MARCHF1: variants seen among roughly 807,000 people sequenced by gnomAD.
MARCHF1 encodes the protein membrane associated ring-CH-type finger 1, also known as E3 ubiquitin-protein ligase MARCHF1.
In MARCHF1, 40 loss-of-function variants were observed where a neutral mutation model predicts 54.2. The ratio of observed to expected loss-of-function variants is 0.74; its 90% CI spans 0.57 to 0.96. The LOEUF (loss-of-function observed/expected upper bound fraction) is 0.96. MARCHF1 is among the 40% of genes least tolerant of loss of function. MARCHF1 has a pLI of 0.00. For synonymous variants in MARCHF1, 236 were observed against 236.3 expected, an observed-to-expected ratio of 1.00 and a Z score of 0.01; for missense variants, 586 against 656.5, an observed-to-expected ratio of 0.89 and a Z score of 1.17.
intron 3 of MARCHF1, among the ~76,000 whole-genome samples, chr4:163,959,602 G>A (rs969073918): frequency 6.6e-6 from 1 of 151,950 alleles, no homozygotes; most frequent in African/African-American, 2.4e-5. Flanking sequence ...TAGGATAACT[G>A]AGTAGCCATG....
chr4:163,983,532 C>A (rs896652440), intron 3 of MARCHF1, among the ~76,000 whole-genome samples: 5 of 152,038 alleles, frequency 3.3e-5, no homozygotes, highest in Non-Finnish European at 7.4e-5. Flanking sequence ...AAACAAAACT[C>A]CCCCCACTTA....
At chr4:164,267,216 T>C (rs1442811375) in intron 1 of MARCHF1, among the ~76,000 whole-genome samples, 1 of 152,224 alleles carries the variant, frequency 6.6e-6, no homozygotes, top group Non-Finnish European at 1.5e-5. Flanking sequence ...ATATTGTGGC[T>C]GCTACCAGAA....
At chr4:163,764,363 C>G (rs551994136) in intron 4 of MARCHF1, among the ~76,000 whole-genome samples, 1 of 152,148 alleles carries the variant, frequency 6.6e-6, no homozygotes, top group South Asian at 2.1e-4. Flanking sequence ...TATCCAGAAG[C>G]TTGTTGAAGT....
intron 2 of MARCHF1, among the ~76,000 whole-genome samples, chr4:164,051,853 A>G (rs1397106325): frequency 1.3e-5 from 2 of 152,234 alleles, no homozygotes; most frequent in African/African-American, 4.8e-5. Context: ...CCTTTAAAAT[A>G]ATGGAGAATT....
intron 8 of MARCHF1, among the ~76,000 whole-genome samples, chr4:163,569,281 T>C (rs1253488787): frequency 2.0e-5 from 3 of 152,142 alleles, no homozygotes; most frequent in Admixed American, 1.3e-4. Flanking sequence ...TGGGTCACGA[T>C]AGCCACGCTG....
chr4:164,274,710 T>C (rs1733832083), intron 1 of MARCHF1, among the ~76,000 whole-genome samples: 1 of 129,312 alleles, frequency 7.7e-6, no homozygotes, highest in South Asian at 2.8e-4. Flanking sequence ...GGAGTCTCGC[T>C]CTGTCTCCCA....
intron 3 of MARCHF1, among the ~76,000 whole-genome samples, chr4:163,969,104 A>G (rs575618694): frequency 6.6e-6 from 1 of 152,308 alleles, no homozygotes; most frequent in East Asian, 1.9e-4. Context: ...TAGAATGACC[A>G]ACTGCTTCTC....
intron 4 of MARCHF1, among the ~76,000 whole-genome samples, chr4:163,775,915 A>G (rs886157978): frequency 1.3e-5 from 2 of 152,156 alleles, no homozygotes; most frequent in Non-Finnish European, 2.9e-5. Context: ...TGATCAAGCT[A>G]GAAGATGCAG....
intron 7 of MARCHF1, among the ~76,000 whole-genome samples, chr4:163,601,074 G>A (rs1309417207): frequency 6.6e-6 from 1 of 152,062 alleles, no homozygotes; most frequent in Non-Finnish European, 1.5e-5. Context: ...TTTAATTTCC[G>A]AACCAAATTA....
At chr4:163,852,016 T>C (rs981107024) in intron 4 of MARCHF1, among the ~76,000 whole-genome samples, 1 of 152,206 alleles carries the variant, frequency 6.6e-6, no homozygotes, top group Non-Finnish European at 1.5e-5. Context: ...ATAGAGGTTA[T>C]CCCTGTAATA....
At chr4:164,233,659 C>T (rs887299760) in intron 1 of MARCHF1, among the ~76,000 whole-genome samples, 2 of 152,124 alleles carry the variant, frequency 1.3e-5, no homozygotes, top group Non-Finnish European at 2.9e-5. Context: ...TTCTAATCCT[C>T]CAAGTGTAGG....
At chr4:163,586,039 T>C in intron 7 of MARCHF1, 110 bp from the exon 8 acceptor site, 1 of 878,106 alleles carries the variant, frequency 1.1e-6, no homozygotes, top group Non-Finnish European at 1.7e-6. Context: ...ACCTAAGATT[T>C]AGAACACATG....
chr4:164,291,878 C>T (rs1413381014), intron 1 of MARCHF1, among the ~76,000 whole-genome samples: 1 of 151,996 alleles, frequency 6.6e-6, no homozygotes, highest in East Asian at 1.9e-4. Flanking sequence ...CTCAGAGGTG[C>T]TTTTGAAGTG....
chr4:164,053,026 T>C (rs1424187714), intron 2 of MARCHF1, among the ~76,000 whole-genome samples: 1 of 152,152 alleles, frequency 6.6e-6, no homozygotes, highest in Non-Finnish European at 1.5e-5. Context: ...CAAAAGAATA[T>C]ATAATTAAGT....
At chr4:164,265,607 C>T (rs1733591265) in intron 1 of MARCHF1, among the ~76,000 whole-genome samples, 3 of 151,824 alleles carry the variant, frequency 2.0e-5, no homozygotes, top group Admixed American at 6.6e-5. Flanking sequence ...TTTGTACTGA[C>T]ATTAACATCC....
Position 164,061,542 on chromosome 4 carries a change from G to GA in MARCHF1, c.-248+50045dup, listed in dbSNP as rs1754614962. Among the ~76,000 whole-genome samples, 2 of 43,524 alleles carry GA rather than the reference G, an allele frequency of 4.6e-5. 1 individual carries two copies. Among genetic ancestry groups the GA allele is most frequent in the African/African-American group, 1.3e-4 (2 of 15,536 alleles). The allele number at this position is 43,524 out of a possible 152,430, so 28.6% of individuals were successfully genotyped here. ...TCTGGGGACTGTTGTGGGGTGGGGG[G>GA]AGGGGGGAGGGATAGCATTAGGAGA... On this transcript the variant is annotated intron_variant, in intron 2 of 9. Transcript: ENST00000514618.
chr4:163,793,310 T>C (rs1025151601), intron 4 of MARCHF1, among the ~76,000 whole-genome samples: 4 of 152,292 alleles, frequency 2.6e-5, no homozygotes, highest in Admixed American at 6.5e-5. Flanking sequence ...TCGGCGTTAC[T>C]AGCATTGGTG....
intron 1 of MARCHF1, among the ~76,000 whole-genome samples, chr4:164,208,911 C>T (rs187519113): frequency 5.9e-5 from 9 of 152,130 alleles, no homozygotes; most frequent in East Asian, 5.8e-4. Flanking sequence ...GATCATACTA[C>T]TCTAGTTTAG....
chr4:163,541,761 T>C (rs893795892), intron 9 of MARCHF1, among the ~76,000 whole-genome samples: 13 of 152,256 alleles, frequency 8.5e-5, no homozygotes, highest in Admixed American at 2.0e-4. Flanking sequence ...ATTTAAAATA[T>C]GTTGACTTCT....
Sources: allele counts gnomAD v4.1 joint callset (sites outside exome capture counted in the v4.1 genomes callset), GRCh38; gene constraint gnomAD v4.1.1; transcripts MANE v1.5; gene names NCBI Gene and HGNC (gene_info 2026-07-23, HGNC 2026-07-21).